Variants in CACNA2D3 observed in about 807,000 individuals in gnomAD.
CACNA2D3 encodes the protein calcium voltage-gated channel auxiliary subunit alpha2delta 3, also known as voltage-dependent calcium channel subunit alpha-2/delta-3.
Under a neutral mutation model 160.6 loss-of-function variants are expected in CACNA2D3, and 60 were observed. The observed-to-expected ratio is 0.37, with a 90% CI of 0.30 to 0.46. The LOEUF (loss-of-function observed/expected upper bound fraction) is 0.46, where lower values mean the gene tolerates loss of function less well. Ranked by LOEUF, CACNA2D3 falls within the 20% of genes least tolerant of loss-of-function variation. The pLI, the probability that CACNA2D3 is intolerant of heterozygous loss-of-function variation, is 1.00. For synonymous variants in CACNA2D3, 558 were observed against 492.9 expected, an observed-to-expected ratio of 1.13 and a Z score of -1.75; for missense variants, 1,205 against 1,365.0, an observed-to-expected ratio of 0.88 and a Z score of 1.85.
intron 2 of CACNA2D3, among the ~76,000 whole-genome samples, chr3:54,296,136 G>A (rs547487226): frequency 1.3e-5 from 2 of 152,306 alleles, no homozygotes; most frequent in East Asian, 1.9e-4. Flanking sequence ...ACTGGACATG[G>A]CAAGGCCGGG....
At chr3:54,662,112 A>G (rs573063257) in intron 11 of CACNA2D3, among the ~76,000 whole-genome samples, 28 of 152,164 alleles carry the variant, frequency 1.8e-4, no homozygotes, top group South Asian at 6.2e-4. Context: ...GTGGATGCCC[A>G]ATGCTCAGTT....
intron 11 of CACNA2D3, among the ~76,000 whole-genome samples, chr3:54,663,327 G>A (rs1388845540): frequency 5.3e-5 from 8 of 152,166 alleles, no homozygotes; most frequent in Admixed American, 5.2e-4. Context: ...AGGCAGTGTG[G>A]CACCTCCTGT....
At chr3:54,402,247 C>G (rs1235123134) in intron 4 of CACNA2D3, among the ~76,000 whole-genome samples, 2 of 151,652 alleles carry the variant, frequency 1.3e-5, no homozygotes, top group South Asian at 2.1e-4. Context: ...AACCAGAATA[C>G]AGTTAATAAA....
intron 12 of CACNA2D3, among the ~76,000 whole-genome samples, chr3:54,761,947 T>C (rs112514572): frequency 2.7e-3 from 414 of 152,310 alleles, no homozygotes; most frequent in Non-Finnish European, 4.8e-3. Context: ...TGAGCCCTAT[T>C]TTAGTCACTA....
At chr3:54,316,570 G>A (rs1229886433) in intron 2 of CACNA2D3, among the ~76,000 whole-genome samples, 1 of 152,136 alleles carries the variant, frequency 6.6e-6, no homozygotes, top group Non-Finnish European at 1.5e-5. Flanking sequence ...CTGAAGGGTG[G>A]ATACTCAGGC....
intron 11 of CACNA2D3, among the ~76,000 whole-genome samples, chr3:54,651,784 G>A (rs995895419): frequency 2.0e-5 from 3 of 152,100 alleles, no homozygotes; most frequent in Non-Finnish European, 2.9e-5. Flanking sequence ...TTACCGTGGC[G>A]CCTCTGAGGG....
intron 33 of CACNA2D3, 90 bp from the exon 34 acceptor site, chr3:55,009,298 T>TA: frequency 1.8e-6 from 2 of 1,109,104 alleles, no homozygotes; most frequent in Non-Finnish European, 2.8e-6. Context: ...TCAAATGAGG[T>TA]AAGCGATGCC....
intron 27 of CACNA2D3, among the ~76,000 whole-genome samples, chr3:54,946,817 T>TAA (rs11295270): frequency 6.9e-6 from 1 of 145,544 alleles, no homozygotes; most frequent in African/African-American, 2.5e-5. Context: ...TGTGGTTTAT[T>TAA]AAAAAAAAAA....
chr3:54,240,181 A>G (rs1450012408), intron 2 of CACNA2D3, among the ~76,000 whole-genome samples: 1 of 152,130 alleles, frequency 6.6e-6, no homozygotes, highest in East Asian at 1.9e-4. Flanking sequence ...GACAGGAGAA[A>G]AGAATTCATT....
At chr3:54,955,854 C>G (rs79302987) in intron 27 of CACNA2D3, among the ~76,000 whole-genome samples, 2 of 152,132 alleles carry the variant, frequency 1.3e-5, no homozygotes, top group Admixed American at 1.3e-4. Flanking sequence ...AGCCTGCTCA[C>G]GAAACCTGGT....
At chr3:54,893,365 C>T (rs544401933) in intron 25 of CACNA2D3, among the ~76,000 whole-genome samples, 3 of 152,166 alleles carry the variant, frequency 2.0e-5, no homozygotes, top group African/African-American at 7.2e-5. Context: ...TGTGGCATTA[C>T]GTGACCCACA....
At chr3:54,500,512 C>CCTTCCTAT (rs779098749) in intron 4 of CACNA2D3, among the ~76,000 whole-genome samples, 23,615 of 109,068 alleles carry the variant, frequency 0.22, 2,319 homozygotes, top group Non-Finnish European at 0.28. Flanking sequence ...TATCTTCCTT[C>CCTTCCTAT]CTTCCTTCCT....
intron 35 of CACNA2D3, among the ~76,000 whole-genome samples, chr3:55,020,017 C>T (rs1277016425): frequency 6.6e-6 from 1 of 151,892 alleles, no homozygotes; most frequent in African/African-American, 2.4e-5. Context: ...TTGGTAGTAA[C>T]GATTTATGAG....
intron 26 of CACNA2D3, among the ~76,000 whole-genome samples, chr3:54,898,325 C>T (rs1226251995): frequency 1.3e-5 from 2 of 150,734 alleles, no homozygotes; most frequent in African/African-American, 4.9e-5. Context: ...TGGGTTCAAG[C>T]GATTCTCCTG....
chr3:54,317,947 T>C (rs890404176), intron 2 of CACNA2D3, among the ~76,000 whole-genome samples: 2 of 152,198 alleles, frequency 1.3e-5, no homozygotes, highest in African/African-American at 2.4e-5. Flanking sequence ...TATTATCTCT[T>C]ATTAGGCCCC....
intron 10 of CACNA2D3, among the ~76,000 whole-genome samples, chr3:54,630,421 G>T (rs573276609): frequency 2.0e-5 from 3 of 152,228 alleles, no homozygotes; most frequent in East Asian, 1.9e-4. Context: ...CATAGCATGC[G>T]CAGTTTAATG....
intron 4 of CACNA2D3, among the ~76,000 whole-genome samples, chr3:54,455,194 C>G (rs1161248159): frequency 6.6e-6 from 1 of 152,092 alleles, no homozygotes; most frequent in Non-Finnish European, 1.5e-5. Flanking sequence ...AATGTCTGTA[C>G]TAATTTACAT....
intron 11 of CACNA2D3, among the ~76,000 whole-genome samples, chr3:54,741,065 T>C (rs1701638635): frequency 6.6e-6 from 1 of 152,038 alleles, no homozygotes; most frequent in Non-Finnish European, 1.5e-5. Context: ...GGGTCTTGGT[T>C]GTGTACCCTG....
At chr3:55,025,634 CAAAAAAAAAAAAAAAA>C (rs10717273) in intron 35 of CACNA2D3, among the ~76,000 whole-genome samples, 6 of 63,280 alleles carry the variant, frequency 9.5e-5, no homozygotes, top group African/African-American at 3.7e-4. Flanking sequence ...ACTCTATCTC[CAAAAAAAAAAAAAAAA>C]AAAAAAAAGC....
Sources: allele counts gnomAD v4.1 joint callset (sites outside exome capture counted in the v4.1 genomes callset), GRCh38; gene constraint gnomAD v4.1.1; transcripts MANE v1.5; gene names NCBI Gene and HGNC (gene_info 2026-07-23, HGNC 2026-07-21).